UBASH3A: variants seen among roughly 807,000 people sequenced by gnomAD.
UBASH3A encodes the protein ubiquitin associated and SH3 domain containing A, also known as ubiquitin-associated and SH3 domain-containing protein A.
In UBASH3A, 63 loss-of-function variants were observed where a neutral mutation model predicts 73.5. The observed-to-expected ratio is 0.86, with a 90% CI of 0.70 to 1.06. The LOEUF is 1.06. Among genes scored for constraint, UBASH3A ranks in the 50% least tolerant of loss-of-function variants. The pLI, the probability that UBASH3A is intolerant of heterozygous loss-of-function variation, is 0.00. For missense variants in UBASH3A, 860 were observed against 859.0 expected (o/e 1.00, Z -0.02); for synonymous variants, 363 against 351.1 (o/e 1.03, Z -0.38).
intron 6 of UBASH3A, among the ~76,000 whole-genome samples, 173 bp downstream of exon 6, chr21:42,416,784 T>G (rs2053221095): frequency 6.6e-6 from 1 of 151,984 alleles, no homozygotes; most frequent in Non-Finnish European, 1.5e-5. Context: ...ATACAAAAAA[T>G]TAGCCAGGCA....
Position 42,426,688 on chromosome 21 carries a change from C to T in UBASH3A, c.1047-9C>T, listed in dbSNP as rs2053441744. The T allele has an allele frequency of 4.3e-6, 7 of 1,613,172 alleles. No individual in the cohort carries two copies. The highest frequency in any genetic ancestry group is 5.9e-6 in the Non-Finnish European group (7 of 1,179,552). On this transcript the variant is annotated splice_polypyrimidine_tract_variant and intron_variant, in intron 7 of 14. Coordinates refer to ENST00000319294, the MANE Select transcript of UBASH3A (RefSeq NM_018961.4). ...CTTCTGTTCAAGCCGTGCTTTCCTT[C>T]CCCTGCAGGATGTACACCTTCAGTC...
chr21:42,447,062 T>C lies in UBASH3A; in HGVS notation c.1854T>C (p.Pro618=). 1 of 1,613,118 alleles carries C rather than the reference T, an allele frequency of 6.2e-7. No individual in the cohort carries two copies. The highest frequency in any genetic ancestry group is 1.7e-4 in the Middle Eastern group (1 of 6,054). ...GDFAQLVRKI[P]SLGMCFCEEN... ...GATTTAAAACTCTGTTCCAGATCCC[T>C]TCCCTGGGCATGTGCTTCTGTGAAG... Residue 618 remains proline, a synonymous_variant, in exon 15 of 15, where the codon CCT becomes CCC. Transcript: ENST00000319294.
At chr21:42,420,474 T>C (rs2053316418) in intron 7 of UBASH3A, among the ~76,000 whole-genome samples, 1 of 152,254 alleles carries the variant, frequency 6.6e-6, no homozygotes, top group Non-Finnish European at 1.5e-5. Flanking sequence ...TGACTATACA[T>C]ACATAGTATT....
chr21:42,406,393 C>T (rs764112071), intron 2 of UBASH3A, 32 bp downstream of exon 2: 30 of 1,592,632 alleles, frequency 1.9e-5, no homozygotes, highest in African/African-American at 2.7e-5. Context: ...GACCCAGGGG[C>T]GTTTGGGCTG....
intron 14 of UBASH3A, among the ~76,000 whole-genome samples, chr21:42,446,274 T>A (rs1436872099): frequency 6.6e-6 from 1 of 152,146 alleles, no homozygotes; most frequent in African/African-American, 2.4e-5. Context: ...TGCTCATGCA[T>A]ATCAGAAAAT....
intron 13 of UBASH3A, 85 bp downstream of exon 13, chr21:42,443,503 C>G: frequency 1.7e-6 from 2 of 1,161,748 alleles, no homozygotes; most frequent in Non-Finnish European, 2.4e-6. Flanking sequence ...ATTTTCTGAA[C>G]CTATGAATGC....
intron 9 of UBASH3A, 118 bp downstream of exon 9, chr21:42,432,320 C>T (rs905181064): frequency 2.5e-5 from 17 of 670,896 alleles, no homozygotes; most frequent in East Asian, 1.6e-4. Flanking sequence ...TGTAGAATGA[C>T]CATGTGTAGA....
intron 7 of UBASH3A, among the ~76,000 whole-genome samples, chr21:42,423,483 G>A (rs1283381390): frequency 6.6e-6 from 1 of 152,206 alleles, no homozygotes; most frequent in Non-Finnish European, 1.5e-5. Context: ...GGAATAGAGA[G>A]GAGATGCTGG....
At chr21:42,431,110 G>C (rs534742880) in intron 8 of UBASH3A, among the ~76,000 whole-genome samples, 1 of 152,192 alleles carries the variant, frequency 6.6e-6, no homozygotes, top group South Asian at 2.1e-4. Flanking sequence ...GGTCCCAGGG[G>C]GGGCATCCTC....
At chr21:42,443,840 C>T (rs945253539) in intron 13 of UBASH3A, among the ~76,000 whole-genome samples, 9 of 152,090 alleles carry the variant, frequency 5.9e-5, no homozygotes, top group South Asian at 2.1e-4. Context: ...TGGAACCCCC[C>T]ATCCTGGGAC....
chr21:42,425,533 G>A (rs969772310), intron 7 of UBASH3A, among the ~76,000 whole-genome samples: 1 of 152,220 alleles, frequency 6.6e-6, no homozygotes, highest in East Asian at 1.9e-4. Flanking sequence ...GTTCCAATGA[G>A]ACTATCTATA....
intron 7 of UBASH3A, among the ~76,000 whole-genome samples, chr21:42,424,290 G>A (rs1344578470): frequency 1.3e-5 from 2 of 152,166 alleles, no homozygotes; most frequent in African/African-American, 4.8e-5. Flanking sequence ...TTCCAGGTAA[G>A]AGTCTGCAGC....
chr21:42,413,264 C>T lies in UBASH3A; in HGVS notation c.553+42C>T. 1.2e-6 allele frequency: 2 copies of T among 1,607,690 alleles called. No homozygotes were observed. Among genetic ancestry groups the T allele is most frequent in the African/African-American group, 1.3e-5 (1 of 74,936 alleles). On this transcript the variant is annotated intron_variant, in intron 4 of 14. Coordinates refer to ENST00000319294, the MANE Select transcript of UBASH3A (RefSeq NM_018961.4). This position sits in a 1 kb window ranked among gnomAD's most constrained non-coding sequence, Gnocchi z 4.5. ...AGTTGCAAACACAGGGCTGGATTCA[C>T]AGTGAGTGAGCCCTCTGTGGCAGGG...
At chr21:42,420,949 G>A (rs1190136590) in intron 7 of UBASH3A, among the ~76,000 whole-genome samples, 2 of 152,206 alleles carry the variant, frequency 1.3e-5, no homozygotes, top group Non-Finnish European at 2.9e-5. Context: ...GCTTAGGATG[G>A]CTACTGCCTC....
At chr21:42,405,142 A>C (rs139459360) in intron 1 of UBASH3A, among the ~76,000 whole-genome samples, 2 of 152,032 alleles carry the variant, frequency 1.3e-5, no homozygotes, top group African/African-American at 2.4e-5. Flanking sequence ...AGCTAGACAA[A>C]CCCATTTCTT....
intron 10 of UBASH3A, 54 bp downstream of exon 10, chr21:42,435,008 A>C: frequency 6.2e-7 from 1 of 1,601,558 alleles, no homozygotes; most frequent in Non-Finnish European, 8.5e-7. Flanking sequence ...AACACTGATT[A>C]TGGCTAGCAG....
intron 8 of UBASH3A, among the ~76,000 whole-genome samples, 165 bp downstream of exon 8, chr21:42,426,985 C>T (rs922977586): frequency 9.2e-5 from 14 of 152,146 alleles, no homozygotes; most frequent in Non-Finnish European, 1.6e-4. Context: ...CTGAGGGTGC[C>T]GGGGGTCCTG....
Position 42,442,552 on chromosome 21 carries a change from G to A in UBASH3A, c.1587G>A (p.Leu529=), listed in dbSNP as rs1568941384. The change falls in exon 12 of 15, where the codon CTG becomes CTA. Residue 529 remains leucine, a synonymous_variant. Coordinates refer to ENST00000319294, the MANE Select transcript of UBASH3A (RefSeq NM_018961.4). Reference sequence around the variant, plus strand: ...AAACCACCCCAACCCTCATGAGCCTGGAAGAGCTGAAAGAGGCAAATTTCA... The same window carrying A: ...AAACCACCCCAACCCTCATGAGCCTAGAAGAGCTGAAAGAGGCAAATTTCA... ...AGKTTPTLMS[L]EELKEANFNI... 5.0e-6 allele frequency: 8 copies of A among 1,614,166 alleles called. No individual in the cohort carries two copies. Among genetic ancestry groups the A allele is most frequent in the African/African-American group, 4.0e-5 (3 of 75,044 alleles).
intron 12 of UBASH3A, among the ~76,000 whole-genome samples, 195 bp downstream of exon 12, chr21:42,442,791 G>A (rs2053770390): frequency 6.6e-6 from 1 of 152,182 alleles, no homozygotes; most frequent in Non-Finnish European, 1.5e-5. Flanking sequence ...ACAGAGCAGG[G>A]TGGGGGTCAG....
Sources: gnomAD v4.1 joint callset for allele counts (sites outside exome capture counted in the v4.1 genomes callset) on GRCh38, gnomAD v4.1.1 for gene constraint, Gnocchi (gnomAD v3.1) non-coding constraint, MANE v1.5 for transcripts, NCBI Gene and HGNC (gene_info 2026-07-23, HGNC 2026-07-21) for gene names.